BPNT1: variants seen among roughly 807,000 people sequenced by gnomAD.
BPNT1 encodes 3'(2'),5'-bisphosphate nucleotidase 1.
BPNT1 carries 28 observed loss-of-function variants against 36.9 expected under a neutral mutation model. That is an observed-to-expected ratio of 0.76 (90% CI 0.56 to 1.04). The LOEUF (loss-of-function observed/expected upper bound fraction) is 1.04. BPNT1 is among the 50% of genes least tolerant of loss of function. BPNT1 has a pLI of 0.00. For missense variants in BPNT1, 313 were observed against 372.9 expected (o/e 0.84, Z 1.32); for synonymous variants, 119 against 130.9 (o/e 0.91, Z 0.62).
intron 4 of BPNT1, 31 bp from the exon 5 acceptor site, chr1:220,069,463 T>A: frequency 6.4e-7 from 1 of 1,550,466 alleles, no homozygotes; most frequent in Non-Finnish European, 8.8e-7. Flanking sequence ...GGAAAATATC[T>A]AAATCAAGCA....
chr1:220,072,534 C>T (rs1032511423), intron 4 of BPNT1, among the ~76,000 whole-genome samples: 7 of 152,080 alleles, frequency 4.6e-5, no homozygotes, highest in East Asian at 1.9e-4. Context: ...AGTCTGGTCT[C>T]GAACTCCTAG....
chr1:220,078,751 C>T (rs1414245678), intron 2 of BPNT1, among the ~76,000 whole-genome samples: 1 of 151,724 alleles, frequency 6.6e-6, no homozygotes, highest in Non-Finnish European at 1.5e-5. Flanking sequence ...GTGTGCACCA[C>T]CATGCCCAGC....
At position 220,057,738 on chromosome 1, in the gene BPNT1, T is replaced by C. The variant is rs764645041; in HGVS notation, c.*1106A>G. The C allele has an allele frequency of 6.2e-6, 4 of 648,258 alleles. No homozygotes were observed. The highest frequency in any genetic ancestry group is 9.5e-6 in the Non-Finnish European group (4 of 419,326). 40.2% of individuals were successfully genotyped at this position (648,258 alleles called of 1,614,324 possible). ...TGAATAACAAAGAGCTAGGATTAAA[T>C]AATTTATTTAAAAAAAACTTTTCTC... On this transcript the variant is annotated 3_prime_UTR_variant, in exon 9 of 9. Transcript: ENST00000322067.
chr1:220,074,211 G>T, intron 2 of BPNT1, 140 bp from the exon 3 acceptor site: 1 of 671,184 alleles, frequency 1.5e-6, no homozygotes, highest in Non-Finnish European at 2.4e-6. Flanking sequence ...TGAGTTAACT[G>T]GTTTCTTGCC....
At chr1:220,066,104 T>A in intron 6 of BPNT1, 1 of 1,521,726 alleles carries the variant, frequency 6.6e-7, no homozygotes, top group Non-Finnish European at 8.8e-7. Context: ...CCTTAACTGC[T>A]GTTTTTCATT....
intron 1 of BPNT1, among the ~76,000 whole-genome samples, chr1:220,088,338 AC>A (rs1198695266): frequency 6.6e-6 from 1 of 151,764 alleles, no homozygotes; most frequent in Non-Finnish European, 1.5e-5. Flanking sequence ...TACTAAAAAT[AC>A]AAAAATTAAC....
intron 2 of BPNT1, among the ~76,000 whole-genome samples, chr1:220,077,988 G>T (rs143493321): frequency 6.6e-6 from 1 of 151,780 alleles, no homozygotes; most frequent in East Asian, 1.9e-4. Flanking sequence ...ACCAGCCTGG[G>T]CAATATACTG....
chr1:220,061,407 G>A (rs918658487), intron 7 of BPNT1, among the ~76,000 whole-genome samples: 11 of 152,000 alleles, frequency 7.2e-5, no homozygotes, highest in East Asian at 5.8e-4. Context: ...GGTGGCAGGC[G>A]CCTGTAATCC....
intron 6 of BPNT1, chr1:220,066,111 C>T: frequency 6.6e-7 from 1 of 1,518,972 alleles, no homozygotes. Flanking sequence ...TGCTGTTTTT[C>T]ATTGTTCTGT....
At chr1:220,080,338 A>G (rs1202259479) in intron 1 of BPNT1, among the ~76,000 whole-genome samples, 1 of 152,220 alleles carries the variant, frequency 6.6e-6, no homozygotes, top group East Asian at 1.9e-4. Flanking sequence ...GTAGGGTGTA[A>G]TTAAAAAGGG....
At chr1:220,073,527 C>T (rs945877339) in intron 3 of BPNT1, among the ~76,000 whole-genome samples, 7 of 152,056 alleles carry the variant, frequency 4.6e-5, no homozygotes, top group Non-Finnish European at 8.8e-5. Context: ...CTCCTGACCT[C>T]GTGATTCGCC....
intron 2 of BPNT1, among the ~76,000 whole-genome samples, chr1:220,076,775 T>C (rs912016797): frequency 1.3e-5 from 2 of 151,568 alleles, no homozygotes; most frequent in Non-Finnish European, 2.9e-5. Flanking sequence ...TCGTTGGTTA[T>C]TACCAAGCAT....
intron 1 of BPNT1, among the ~76,000 whole-genome samples, chr1:220,086,934 C>T (rs567473798): frequency 6.8e-6 from 1 of 147,022 alleles, no homozygotes; most frequent in East Asian, 2.0e-4. Context: ...GTAACCCCAA[C>T]TTCTTGGGAG....
chr1:220,069,513 CTCT>C (rs1270288878), intron 4 of BPNT1, 81 bp from the exon 5 acceptor site: 4 of 1,074,332 alleles, frequency 3.7e-6, no homozygotes, highest in Non-Finnish European at 4.1e-6. Context: ...ATTAAAATTA[CTCT>C]TTTTTTCCTG....
At chr1:220,075,775 G>T (rs78855572) in intron 2 of BPNT1, among the ~76,000 whole-genome samples, 1,714 of 152,190 alleles carry the variant, frequency 0.011, 17 homozygotes, top group Middle Eastern at 0.02. Flanking sequence ...TAAAAATAAG[G>T]TATCAACGGA....
chr1:220,074,130 C>A, intron 2 of BPNT1, 59 bp from the exon 3 acceptor site: 1 of 1,475,458 alleles, frequency 6.8e-7, no homozygotes, highest in Admixed American at 1.8e-5. Flanking sequence ...TCCTCTGATT[C>A]CTTGTGCATG....
At chr1:220,067,438 A>G (rs570830391) in intron 5 of BPNT1, 45 bp from the exon 6 acceptor site, 2 of 1,349,700 alleles carry the variant, frequency 1.5e-6, no homozygotes, top group South Asian at 1.3e-5. Flanking sequence ...TGCTCATATT[A>G]TGACTCATCA....
intron 6 of BPNT1, 139 bp downstream of exon 6, chr1:220,067,163 A>C (rs964495490): frequency 3.8e-5 from 10 of 265,832 alleles, no homozygotes; most frequent in African/African-American, 2.3e-4. Context: ...TAAATAAATA[A>C]AATTTAAAAA....
At chr1:220,064,247 G>A (rs1663323524) in intron 6 of BPNT1, among the ~76,000 whole-genome samples, 1 of 152,156 alleles carries the variant, frequency 6.6e-6, no homozygotes, top group Non-Finnish European at 1.5e-5. Context: ...AAATTAGACT[G>A]CCTATGTTTA....
Sources: gnomAD v4.1 joint callset for allele counts (sites outside exome capture counted in the v4.1 genomes callset) on GRCh38, gnomAD v4.1.1 for gene constraint, MANE v1.5 for transcripts, NCBI Gene and HGNC (gene_info 2026-07-23, HGNC 2026-07-21) for gene names.